PROS1: variants seen among roughly 807,000 people sequenced by gnomAD.
PROS1 encodes the protein protein S, also known as vitamin K-dependent protein S.
A neutral mutation model predicts 75.9 loss-of-function variants in PROS1; 29 were observed. The ratio of observed to expected loss-of-function variants is 0.38; its 90% CI spans 0.28 to 0.52. PROS1 has a LOEUF of 0.52. Among genes scored for constraint, PROS1 ranks in the 20% least tolerant of loss-of-function variants. The pLI is 0.83. For synonymous variants in PROS1, 245 were observed against 280.6 expected (o/e 0.87, Z 1.27); for missense variants, 680 against 810.3 (o/e 0.84, Z 1.95).
rs1709354140 is a variant in PROS1 at position 93,944,886 on chromosome 3, G to T, written c.77-17479C>A. ...ATCTAGGAGCTGGTTTTTTGAAAAG[G>T]TCAACAAAATTGATAGAATAATAAA... On this transcript the variant is annotated intron_variant, in intron 1 of 14. Coordinates refer to ENST00000394236, the MANE Select transcript of PROS1 (RefSeq NM_000313.4). Among the ~76,000 whole-genome samples the T allele has an allele frequency of 3.3e-5, 5 of 151,670 alleles. No homozygotes were observed. In the South Asian group the frequency reaches 1.0e-3, roughly 32 times the overall value.
intron 6 of PROS1, among the ~76,000 whole-genome samples, chr3:93,903,484 C>T (rs774094493): frequency 6.6e-6 from 1 of 151,988 alleles, no homozygotes; most frequent in Non-Finnish European, 1.5e-5. Flanking sequence ...GACAGTATGA[C>T]AAAACTCCAT....
chr3:93,973,328 C>T (rs1051390646), intron 1 of PROS1, among the ~76,000 whole-genome samples: 18 of 152,148 alleles, frequency 1.2e-4, no homozygotes, highest in African/African-American at 4.1e-4. Flanking sequence ...CTTTTCTTCC[C>T]TACTCATAAG....
chr3:93,926,942 C>G (rs1271846285), intron 2 of PROS1, among the ~76,000 whole-genome samples: 2 of 148,152 alleles, frequency 1.3e-5, no homozygotes, highest in Admixed American at 6.7e-5. Context: ...CTCCCCTCCC[C>G]CTAACACTAT....
rs556150230 is a variant in PROS1, at chr3:93,923,137, G to GT, written c.259+1102dup. ...TTAGTTTGTTTTATTTTATACTTTGGTTTTTTTTACCATGTTGCCAAATGA... is the reference window on the plus strand; with the variant it reads ...TTAGTTTGTTTTATTTTATACTTTGGTTTTTTTTTACCATGTTGCCAAATGA... On this transcript the variant is annotated intron_variant, in intron 3 of 14. Transcript: ENST00000394236. Among the ~76,000 whole-genome samples, 104 of 151,994 alleles carry GT rather than the reference G, an allele frequency of 6.8e-4. No individual in the cohort carries two copies. The East Asian group carries it at 0.012, about 18-fold the overall frequency.
At chr3:93,966,329 A>C (rs1709788511) in intron 1 of PROS1, among the ~76,000 whole-genome samples, 3 of 152,230 alleles carry the variant, frequency 2.0e-5, no homozygotes, top group Non-Finnish European at 2.9e-5. Context: ...AAGTTCAAGC[A>C]AGAATTGTCC....
chr3:93,899,389 A>G (rs1274905290), intron 7 of PROS1, among the ~76,000 whole-genome samples: 1 of 152,174 alleles, frequency 6.6e-6, no homozygotes, highest in East Asian at 1.9e-4. Flanking sequence ...TTCTCATAAA[A>G]TAATTTAAAA....
chr3:93,925,835 A>AG (rs1206680997), intron 2 of PROS1, among the ~76,000 whole-genome samples: 4 of 151,196 alleles, frequency 2.6e-5, no homozygotes, highest in African/African-American at 9.7e-5. Context: ...AAAAAAAAAA[A>AG]AAAAAGTAAC....
intron 4 of PROS1, among the ~76,000 whole-genome samples, chr3:93,908,883 C>A (rs1708714547): frequency 6.6e-6 from 1 of 152,142 alleles, no homozygotes; most frequent in Admixed American, 6.5e-5. Context: ...CAGGACCCAG[C>A]AACATAAGCT....
chr3:93,967,162 A>C (rs1709804302), intron 1 of PROS1, among the ~76,000 whole-genome samples: 1 of 152,222 alleles, frequency 6.6e-6, no homozygotes, highest in African/African-American at 2.4e-5. Flanking sequence ...AAAAGTAAAA[A>C]CACCAAATTT....
intron 4 of PROS1, 88 bp from the exon 5 acceptor site, chr3:93,906,231 T>C: frequency 1.4e-6 from 2 of 1,431,040 alleles, no homozygotes; most frequent in Non-Finnish European, 1.9e-6. Flanking sequence ...TCCTGAAGCC[T>C]AGAACCAATG....
rs561760160 is a variant in PROS1, at chr3:93,958,843, C to T, written c.76+14831G>A. The T allele has an allele frequency of 2.6e-5, 4 of 152,492 alleles. No individual in the cohort carries two copies. The East Asian group carries it at 7.7e-4, about 29-fold the overall frequency. 9.4% of individuals were successfully genotyped at this position (152,492 alleles called of 1,614,324 possible). A position where few individuals can be genotyped will look rare whatever the true frequency, so the allele number is the denominator to read the frequency against. On this transcript the variant is annotated intron_variant, in intron 1 of 14. Coordinates refer to ENST00000394236, the MANE Select transcript of PROS1 (RefSeq NM_000313.4). Reference sequence around the variant, plus strand: ...GTGAGGCTTCCCCAGCCACATGGAACTGAAAGTCCAGTTATACCTCTTTCT... The same window carrying T: ...GTGAGGCTTCCCCAGCCACATGGAATTGAAAGTCCAGTTATACCTCTTTCT...
intron 1 of PROS1, among the ~76,000 whole-genome samples, chr3:93,957,760 T>A (rs1261554976): frequency 6.6e-6 from 1 of 152,210 alleles, no homozygotes; most frequent in Non-Finnish European, 1.5e-5. Flanking sequence ...TCACTTATTG[T>A]ATTAGGCCAT....
intron 1 of PROS1, among the ~76,000 whole-genome samples, chr3:93,959,514 A>C (rs528463018): frequency 2.8e-4 from 42 of 151,884 alleles, no homozygotes; most frequent in Non-Finnish European, 5.3e-4. Context: ...CCTAATTGCC[A>C]CCTCTGGCCA....
At chr3:93,895,734 C>A (rs185368916) in intron 9 of PROS1, among the ~76,000 whole-genome samples, 35 of 152,112 alleles carry the variant, frequency 2.3e-4, no homozygotes, top group Middle Eastern at 6.8e-3. Flanking sequence ...GGCAGATCAC[C>A]TGAGGTGATC....
At chr3:93,965,825 G>A (rs1709780227) in intron 1 of PROS1, among the ~76,000 whole-genome samples, 1 of 152,108 alleles carries the variant, frequency 6.6e-6, no homozygotes, top group Non-Finnish European at 1.5e-5. Context: ...CTCCTGAGTA[G>A]CTGGAATTAC....
In PROS1 at chr3:93,910,693, G is replaced by C. The variant is rs1411206237; in HGVS notation, c.272C>G (p.Ser91Cys). 6.2e-7 allele frequency: 1 copy of C among 1,612,602 alleles called. No individual in the cohort carries two copies. Residue 91 changes from serine to cysteine, a missense_variant, in exon 4 of 15, where the codon TCT becomes TGT. By Grantham distance (112) the Ser-to-Cys change is moderately radical. Coordinates refer to ENST00000394236, the MANE Select transcript of PROS1 (RefSeq NM_000313.4). ...FYPKYLVCLR[S>C]FQTGLFTAAR... Reference sequence around the variant, plus strand: ...AGCAGTGAATAACCCAGTTTGAAAAGAGCGAAGACAAACTGAAAATAAAAA... The same window carrying C: ...AGCAGTGAATAACCCAGTTTGAAAACAGCGAAGACAAACTGAAAATAAAAA...
intron 1 of PROS1, among the ~76,000 whole-genome samples, chr3:93,960,532 CTTTT>C (rs774875701): frequency 5.4e-4 from 27 of 50,140 alleles, no homozygotes; most frequent in African/African-American, 2.4e-3. Flanking sequence ...CTCCATTGCT[CTTTT>C]TTTTTTTTTT....
chr3:93,925,682 G>T (rs1463846847), intron 2 of PROS1, among the ~76,000 whole-genome samples: 2 of 151,846 alleles, frequency 1.3e-5, no homozygotes, highest in Non-Finnish European at 1.5e-5. Flanking sequence ...AAATTAGCCA[G>T]GTGTGGGGCT....
chr3:93,899,327 G>T (rs2107159490), intron 7 of PROS1, among the ~76,000 whole-genome samples: 1 of 151,976 alleles, frequency 6.6e-6, no homozygotes, highest in African/African-American at 2.4e-5. Context: ...CATTGGATAT[G>T]CCCTATGACC....
Sources: allele counts gnomAD v4.1 joint callset (sites outside exome capture counted in the v4.1 genomes callset), GRCh38; gene constraint gnomAD v4.1.1; transcripts MANE v1.5; gene names NCBI Gene and HGNC (gene_info 2026-07-23, HGNC 2026-07-21).